Variants in PTPRD observed in about 807,000 individuals in gnomAD.
The protein encoded by PTPRD is protein tyrosine phosphatase receptor type D.
In PTPRD, 34 loss-of-function variants were observed where a neutral mutation model predicts 214.5. The ratio of observed to expected loss-of-function variants is 0.16; its 90% CI spans 0.12 to 0.21. PTPRD has a LOEUF of 0.21. Among genes scored for constraint, PTPRD ranks in the 10% least tolerant of loss-of-function variants. The pLI, the probability that PTPRD is intolerant of heterozygous loss-of-function variation, is 1.00. For missense variants in PTPRD, 2,545 were observed against 2,398.7 expected, an observed-to-expected ratio of 1.06 and a Z score of -1.27; for synonymous variants, 1,128 against 845.7, an observed-to-expected ratio of 1.33 and a Z score of -5.79.
chr9:9,770,647 A>T (rs746820762), intron 5 of PTPRD, among the ~76,000 whole-genome samples: 11 of 152,090 alleles, frequency 7.2e-5, no homozygotes, highest in Non-Finnish European at 1.2e-4. Context: ...TAAAATATGA[A>T]TGTTTTCTTA....
At chr9:10,521,643 C>A (rs774314881) in intron 2 of PTPRD, among the ~76,000 whole-genome samples, 1 of 152,100 alleles carries the variant, frequency 6.6e-6, no homozygotes, top group African/African-American at 2.4e-5. Context: ...TTTTAAGACA[C>A]TGCCACAGCC....
chr9:10,496,784 C>T (rs1280404563), intron 2 of PTPRD, among the ~76,000 whole-genome samples: 1 of 152,008 alleles, frequency 6.6e-6, no homozygotes, highest in Admixed American at 6.6e-5. Flanking sequence ...AGGTACTTTG[C>T]CCACACTTTA....
chr9:9,533,959 A>T (rs1160883293), intron 8 of PTPRD, among the ~76,000 whole-genome samples: 8 of 152,058 alleles, frequency 5.3e-5, no homozygotes, highest in Admixed American at 3.9e-4. Flanking sequence ...TAATTATATG[A>T]TGTGTCAAGC....
chr9:9,706,321 C>T (rs185434223), intron 7 of PTPRD, among the ~76,000 whole-genome samples: 62 of 152,216 alleles, frequency 4.1e-4, no homozygotes, highest in African/African-American at 1.2e-3. Context: ...AAGTTTCATA[C>T]GTACATTGAT....
chr9:9,042,089 G>C (rs1320941963), intron 10 of PTPRD, among the ~76,000 whole-genome samples: 1 of 152,124 alleles, frequency 6.6e-6, no homozygotes, highest in Non-Finnish European at 1.5e-5. Flanking sequence ...ACTAGACCTA[G>C]AAACTGAAAT....
chr9:9,506,647 G>A (rs1487004279), intron 8 of PTPRD, among the ~76,000 whole-genome samples: 1 of 151,188 alleles, frequency 6.6e-6, no homozygotes. Flanking sequence ...ATTACCTTTG[G>A]AATACTCAAT....
chr9:8,572,991 G>C (rs545761633), intron 14 of PTPRD, among the ~76,000 whole-genome samples: 1 of 151,878 alleles, frequency 6.6e-6, no homozygotes, highest in African/African-American at 2.4e-5. Context: ...AGTACATTTA[G>C]ATTATAATTT....
chr9:8,493,538 G>A (rs1354433295), intron 26 of PTPRD, among the ~76,000 whole-genome samples: 1 of 152,110 alleles, frequency 6.6e-6, no homozygotes, highest in South Asian at 2.1e-4. Flanking sequence ...AATGGTTGTT[G>A]TTGGACCTAG....
chr9:8,492,882 A>C lies in PTPRD; in HGVS notation c.2447T>G (p.Leu816Arg). The C allele has an allele frequency of 6.2e-7, 1 of 1,613,706 alleles. No individual in the cohort carries two copies. Among genetic ancestry groups the C allele is most frequent in the Non-Finnish European group, 8.5e-7 (1 of 1,179,666 alleles). The change falls in exon 27 of 46, where the codon CTG (leucine) becomes CGG (arginine). Residue 816 changes from leucine (L) to arginine (R), a missense_variant. Physicochemically the swap from Leu to Arg is moderately radical, Grantham distance 102. Coordinates refer to ENST00000381196, the MANE Select transcript of PTPRD (RefSeq NM_002839.4). Reference sequence around the variant, plus strand: ...ATTACCTGCCCCAGTGGTGGACACCAGTTTGGGCTTGCTGCGAGCACCATC... The same window carrying C: ...ATTACCTGCCCCAGTGGTGGACACCCGTTTGGGCTTGCTGCGAGCACCATC... ...KGDGARSKPKLVSTTGAVPGK... is the reference protein window; with the variant it reads ...KGDGARSKPKRVSTTGAVPGK...
intron 5 of PTPRD, among the ~76,000 whole-genome samples, chr9:9,892,787 A>G (rs2073812439): frequency 6.6e-6 from 1 of 152,030 alleles, no homozygotes; most frequent in African/African-American, 2.4e-5. Context: ...ATAGCAATGG[A>G]AAGCTTGAGT....
chr9:8,686,393 G>A (rs1400972921), intron 12 of PTPRD, among the ~76,000 whole-genome samples: 3 of 152,138 alleles, frequency 2.0e-5, no homozygotes, highest in Non-Finnish European at 4.4e-5. Flanking sequence ...TAGGCACAGA[G>A]TGAAAATTCT....
At chr9:8,712,982 G>A (rs1275693609) in intron 12 of PTPRD, among the ~76,000 whole-genome samples, 2 of 152,216 alleles carry the variant, frequency 1.3e-5, no homozygotes, top group Non-Finnish European at 2.9e-5. Flanking sequence ...GCCTCCCAAA[G>A]TGCTGGGATT....
chr9:8,467,469 A>G (rs1002942756), intron 31 of PTPRD, among the ~76,000 whole-genome samples: 5 of 151,928 alleles, frequency 3.3e-5, no homozygotes, highest in Non-Finnish European at 7.4e-5. Context: ...TACTCCTCGT[A>G]ATAACCCTAT....
At chr9:8,859,476 A>G (rs1434335997) in intron 11 of PTPRD, among the ~76,000 whole-genome samples, 2 of 152,222 alleles carry the variant, frequency 1.3e-5, no homozygotes, top group Non-Finnish European at 2.9e-5. Flanking sequence ...TTGGTCAGAA[A>G]GGTTAAATAA....
intron 4 of PTPRD, among the ~76,000 whole-genome samples, chr9:9,972,426 T>TA (rs758714309): frequency 3.9e-5 from 6 of 152,222 alleles, no homozygotes; most frequent in Non-Finnish European, 8.8e-5. Context: ...TGGCGAAACT[T>TA]ACTGCTATTC....
At chr9:9,496,980 A>G (rs904198678) in intron 8 of PTPRD, among the ~76,000 whole-genome samples, 1 of 152,192 alleles carries the variant, frequency 6.6e-6, no homozygotes, top group Non-Finnish European at 1.5e-5. Flanking sequence ...CCTAAATGAA[A>G]CAAGCCAGTC....
chr9:9,909,778 G>GT (rs113536313), intron 5 of PTPRD, among the ~76,000 whole-genome samples: 2,707 of 150,248 alleles, frequency 0.018, 77 homozygotes, highest in African/African-American at 0.062. Flanking sequence ...TGGATTGAAT[G>GT]TTTTTTTTTG....
At chr9:10,274,335 C>T (rs566980806) in intron 3 of PTPRD, among the ~76,000 whole-genome samples, 1 of 152,242 alleles carries the variant, frequency 6.6e-6, no homozygotes, top group East Asian at 1.9e-4. Flanking sequence ...TAACAAGTGA[C>T]TGAATCCTTT....
At chr9:9,938,057 C>G (rs2090187597) in intron 5 of PTPRD, among the ~76,000 whole-genome samples, 1 of 152,074 alleles carries the variant, frequency 6.6e-6, no homozygotes, top group Non-Finnish European at 1.5e-5. Context: ...TTGCCTAACT[C>G]TGGAAATGAC....
Sources: gnomAD v4.1 joint callset for allele counts (sites outside exome capture counted in the v4.1 genomes callset) on GRCh38, gnomAD v4.1.1 for gene constraint, MANE v1.5 for transcripts, NCBI Gene and HGNC (gene_info 2026-07-23, HGNC 2026-07-21) for gene names.